The following UQCC1 variants were observed in gnomAD, a reference collection of about 807,000 sequenced individuals.
UQCC1 encodes the protein bFGF-repressed Zic-binding protein.
Under a neutral mutation model 48.0 loss-of-function variants are expected in UQCC1, and 38 were observed. That is an observed-to-expected ratio of 0.79 (90% CI 0.61 to 1.04). The LOEUF (loss-of-function observed/expected upper bound fraction) is 1.04, where lower values mean the gene tolerates loss of function less well. Ranked by LOEUF, UQCC1 falls within the 50% of genes least tolerant of loss-of-function variation. The pLI, the probability that UQCC1 is intolerant of heterozygous loss-of-function variation, is 0.00. For missense variants in UQCC1, 368 were observed against 381.8 expected (o/e 0.96, Z 0.30); for synonymous variants, 111 against 129.2 (o/e 0.86, Z 0.95).
chr20:35,404,432 C>T (rs1413617064), intron 1 of UQCC1, among the ~76,000 whole-genome samples: 4 of 142,762 alleles, frequency 2.8e-5, no homozygotes, highest in East Asian at 4.2e-4. Flanking sequence ...CCCAGCTACT[C>T]GGGAGGCTGA....
At chr20:35,399,088 T>C (rs2062123155) in intron 1 of UQCC1, among the ~76,000 whole-genome samples, 1 of 152,140 alleles carries the variant, frequency 6.6e-6, no homozygotes, top group Non-Finnish European at 1.5e-5. Context: ...TGGGCCTCCA[T>C]TTTCCCTTAT....
At chr20:35,330,258 A>G (rs574966700) in intron 7 of UQCC1, among the ~76,000 whole-genome samples, 1 of 152,356 alleles carries the variant, frequency 6.6e-6, no homozygotes, top group African/African-American at 2.4e-5. Context: ...GAATCAATCA[A>G]GAGAAGTGAG....
intron 7 of UQCC1, among the ~76,000 whole-genome samples, chr20:35,321,247 C>T (rs2061121459): frequency 7.5e-6 from 1 of 133,962 alleles, no homozygotes; most frequent in African/African-American, 3.0e-5. Context: ...AAAATACAAA[C>T]AAAACTGTGT....
chr20:35,328,403 A>C (rs1350446215), intron 7 of UQCC1, among the ~76,000 whole-genome samples: 1 of 152,210 alleles, frequency 6.6e-6, no homozygotes, highest in Non-Finnish European at 1.5e-5. Context: ...GTAAATTAGT[A>C]GTGGCAAACA....
intron 8 of UQCC1, among the ~76,000 whole-genome samples, chr20:35,310,763 G>GCTCA (rs2060982904): frequency 7.5e-6 from 1 of 132,968 alleles, no homozygotes; most frequent in African/African-American, 2.9e-5. Flanking sequence ...CGTGATCTCA[G>GCTCA]CTCACTGCAA....
chr20:35,336,123 A>G (rs139887469), intron 7 of UQCC1, among the ~76,000 whole-genome samples: 18 of 152,358 alleles, frequency 1.2e-4, no homozygotes, highest in Admixed American at 1.2e-3. Flanking sequence ...TGGGTTAAAA[A>G]TCTTAATGCC....
At chr20:35,394,389 C>T (rs1383395590) in intron 1 of UQCC1, among the ~76,000 whole-genome samples, 193 bp from the exon 2 acceptor site, 3 of 152,060 alleles carry the variant, frequency 2.0e-5, no homozygotes, top group African/African-American at 7.2e-5. Context: ...TAATAAGCCC[C>T]TTTCAACCAT....
intron 7 of UQCC1, among the ~76,000 whole-genome samples, chr20:35,341,258 A>G (rs1168781328): frequency 6.6e-6 from 1 of 151,944 alleles, no homozygotes. Context: ...AAAGAAAGAA[A>G]ATAAACATAA....
intron 8 of UQCC1, among the ~76,000 whole-genome samples, chr20:35,314,030 T>C (rs148862995): frequency 1.7e-3 from 257 of 152,166 alleles, no homozygotes; most frequent in Middle Eastern, 3.4e-3. Context: ...AGAGGCATGA[T>C]CTCGGCTCAC....
intron 5 of UQCC1, 134 bp downstream of exon 5, chr20:35,374,050 C>T (rs2061766281): frequency 6.2e-6 from 4 of 640,322 alleles, no homozygotes; most frequent in Admixed American, 6.5e-5. Flanking sequence ...GACAAATAGA[C>T]AGTTTGGATT....
rs1326565094 is a variant in UQCC1, at chr20:35,367,108, A to AC, written c.407-495_407-494insG. ...GACTCTGTCTAAAAAAAAAAAAAAA[A>AC]ACAAACAAAAAAACAACCCATTGAA... On this transcript the variant is annotated intron_variant, in intron 5 of 9. Coordinates refer to ENST00000374385, the MANE Select transcript of UQCC1 (RefSeq NM_018244.5). 6.7e-5 allele frequency among the ~76,000 whole-genome samples: 10 copies of AC among 149,746 alleles called. 1 individual carries two copies. Among genetic ancestry groups the AC allele is most frequent in the Non-Finnish European group, 1.2e-4 (8 of 67,372 alleles).
rs532143207 is a variant in UQCC1, at chr20:35,357,554, G to A, written c.464+9003C>T. 9.2e-5 allele frequency among the ~76,000 whole-genome samples: 14 copies of A among 151,574 alleles called. No individual in the cohort carries two copies. In the East Asian group the frequency reaches 2.3e-3, roughly 25 times the overall value. Reference sequence around the variant, plus strand: ...TAGTGGGGCACGGTGGTGCATGACTGTAGTCTCAGCTACAGTCTGAGGCAG... The same window carrying A: ...TAGTGGGGCACGGTGGTGCATGACTATAGTCTCAGCTACAGTCTGAGGCAG... On this transcript the variant is annotated intron_variant, in intron 6 of 9. Coordinates refer to ENST00000374385, the MANE Select transcript of UQCC1 (RefSeq NM_018244.5).
Position 35,374,235 on chromosome 20 carries a change from G to A in UQCC1, c.355C>T (p.Arg119Cys), listed in dbSNP as rs140087496. 6.2e-6 allele frequency: 10 copies of A among 1,611,910 alleles called. No individual in the cohort carries two copies. The highest frequency in any genetic ancestry group is 4.0e-5 in the African/African-American group (3 of 74,788). Reference protein sequence around the residue: ...SKWKIKIAALRMYTSCVEKTD... With the variant: ...SKWKIKIAALCMYTSCVEKTD... The stretch of plus-strand genomic sequence containing the variant: ...TTCTCCACACAGCTAGTATACATGC[G>A]CAGGGCCGCAATCTTAATCTTCTAG... The change falls in exon 5 of 10, where the codon CGC (arginine) becomes TGC (cysteine). Residue 119 changes from arginine to cysteine, a missense_variant. By Grantham distance (180) the Arg-to-Cys change is radical. Coordinates refer to ENST00000374385, the MANE Select transcript of UQCC1 (RefSeq NM_018244.5).
At chr20:35,344,403 A>G (rs184672798) in intron 7 of UQCC1, 1 of 152,482 alleles carries the variant, frequency 6.6e-6, no homozygotes, top group Non-Finnish European at 1.5e-5. Context: ...CAGGATAGAG[A>G]CAGCTGTGGC....
chr20:35,392,666 T>G (rs1391168379), intron 2 of UQCC1, among the ~76,000 whole-genome samples: 1 of 152,168 alleles, frequency 6.6e-6, no homozygotes, highest in African/African-American at 2.4e-5. Context: ...TATTCTCCAT[T>G]CATTCAACAT....
At chr20:35,359,416 ACTGT>A (rs138797405) in intron 6 of UQCC1, among the ~76,000 whole-genome samples, 1 of 152,248 alleles carries the variant, frequency 6.6e-6, no homozygotes, top group Non-Finnish European at 1.5e-5. Flanking sequence ...AGGCAACAAC[ACTGT>A]CTGTAGAGTT....
At chr20:35,346,904 G>T in intron 7 of UQCC1, 1 of 1,294,712 alleles carries the variant, frequency 7.7e-7, no homozygotes, top group Non-Finnish European at 1.0e-6. Context: ...CTATCACCAC[G>T]ATTTGGGCTT....
chr20:35,324,616 G>T (rs191699413), intron 7 of UQCC1, among the ~76,000 whole-genome samples: 1 of 152,190 alleles, frequency 6.6e-6, no homozygotes, highest in Admixed American at 6.5e-5. Flanking sequence ...GTGAGCCACC[G>T]CACCTGGCCG....
At chr20:35,378,057 T>C (rs914601803) in intron 4 of UQCC1, among the ~76,000 whole-genome samples, 73 of 152,186 alleles carry the variant, frequency 4.8e-4, no homozygotes, top group African/African-American at 1.8e-3. Context: ...TCATCAAGAA[T>C]CATGCACTGA....
Sources: allele counts gnomAD v4.1 joint callset (sites outside exome capture counted in the v4.1 genomes callset), GRCh38; gene constraint gnomAD v4.1.1; transcripts MANE v1.5; gene names NCBI Gene and HGNC (gene_info 2026-07-23, HGNC 2026-07-21).